ZNF385D: variants seen among roughly 807,000 people sequenced by gnomAD.
ZNF385D encodes the protein zinc finger protein 385D.
In ZNF385D, 15 loss-of-function variants were observed where a neutral mutation model predicts 35.8. The observed-to-expected ratio is 0.42, with a 90% CI of 0.28 to 0.64. The LOEUF is 0.64. Ranked by LOEUF, ZNF385D falls within the 30% of genes least tolerant of loss-of-function variation. The pLI, the probability that ZNF385D is intolerant of heterozygous loss-of-function variation, is 0.23. For synonymous variants in ZNF385D, 212 were observed against 186.8 expected (o/e 1.13, Z -1.10); for missense variants, 474 against 494.6 (o/e 0.96, Z 0.39).
intron 1 of ZNF385D, among the ~76,000 whole-genome samples, chr3:21,730,089 C>A (rs370358133): frequency 6.6e-6 from 1 of 152,182 alleles, no homozygotes; most frequent in African/African-American, 2.4e-5. Context: ...CATTTAAGAA[C>A]AACCTCCCGA....
At chr3:22,050,874 A>ACAG (rs1488069043) in intron 3 of ZNF385D, among the ~76,000 whole-genome samples, 1 of 96,422 alleles carries the variant, frequency 1.0e-5, no homozygotes, top group Non-Finnish European at 2.2e-5. Context: ...AATGTGTTAT[A>ACAG]ATTTCTGTTC....
intron 3 of ZNF385D, among the ~76,000 whole-genome samples, chr3:21,798,024 T>C (rs1045934188): frequency 1.1e-4 from 17 of 152,346 alleles, no homozygotes; most frequent in African/African-American, 2.9e-4. Flanking sequence ...GTGTAAACTA[T>C]GGACACTGGC....
chr3:21,578,805 T>C (rs750333515), intron 2 of ZNF385D, among the ~76,000 whole-genome samples: 4 of 152,192 alleles, frequency 2.6e-5, no homozygotes, highest in Non-Finnish European at 4.4e-5. Context: ...TGCATTGCTT[T>C]GGCTATTTGG....
At chr3:21,629,545 C>G (rs1202839247) in intron 2 of ZNF385D, among the ~76,000 whole-genome samples, 4 of 152,146 alleles carry the variant, frequency 2.6e-5, no homozygotes, top group Non-Finnish European at 5.9e-5. Context: ...TCCATGACAG[C>G]TTAATCAGGC....
chr3:21,625,898 C>T (rs1262523835), intron 2 of ZNF385D, among the ~76,000 whole-genome samples: 1 of 152,028 alleles, frequency 6.6e-6, no homozygotes, highest in Non-Finnish European at 1.5e-5. Flanking sequence ...TTGAAATTAT[C>T]ATTCAAATTA....
In ZNF385D at chr3:21,719,373, G is replaced by A. The variant is rs182721965; in HGVS notation, c.22+31522C>T. 2.5e-4 allele frequency among the ~76,000 whole-genome samples: 38 copies of A among 152,292 alleles called. 1 individual carries two copies. Among genetic ancestry groups the A allele is most frequent in the Admixed American group, 2.2e-3 (33 of 15,304 alleles). On this transcript the variant is annotated intron_variant, in intron 1 of 7. Transcript: ENST00000281523. Reference sequence around the variant, plus strand: ...AGTCAAGGAACTGACCGTGTTCTCTGGATGCAGCAACCCTGGTGACTGTAG... The same window carrying A: ...AGTCAAGGAACTGACCGTGTTCTCTAGATGCAGCAACCCTGGTGACTGTAG...
At position 22,082,827 on chromosome 3, in the gene ZNF385D, A is replaced by C. The variant is rs143785660; in HGVS notation, c.325+85990T>G. Among the ~76,000 whole-genome samples, 983 of 152,268 alleles carry C rather than the reference A, an allele frequency of 6.5e-3. 12 individuals carry two copies. The highest frequency in any genetic ancestry group is 0.022 in the African/African-American group (924 of 41,554). ...GGGCCGACTGACACCTCATACAGCA[A>C]GATGCCCCTCTGAGACGAAGCTTCC... On this transcript the variant is annotated intron_variant, in intron 3 of 5. Coordinates refer to the ZNF385D transcript ENST00000494108.
intron 2 of ZNF385D, among the ~76,000 whole-genome samples, chr3:22,362,175 T>C (rs1559541762): frequency 1.3e-5 from 2 of 151,860 alleles, no homozygotes; most frequent in South Asian, 2.1e-4. Flanking sequence ...CCTGGCTTTT[T>C]TTGTAGTGGT....
intron 2 of ZNF385D, among the ~76,000 whole-genome samples, chr3:22,173,183 G>C (rs1250677929): frequency 6.6e-6 from 1 of 152,164 alleles, no homozygotes. Context: ...GGGGAAGTCT[G>C]AGAAATTGTT....
chr3:22,232,884 T>C (rs983145319), intron 2 of ZNF385D, among the ~76,000 whole-genome samples: 9 of 152,236 alleles, frequency 5.9e-5, no homozygotes, highest in African/African-American at 4.8e-5. Flanking sequence ...GTTTACATCC[T>C]GAAGATTTCA....
At chr3:22,139,208 G>T (rs959601900) in intron 3 of ZNF385D, among the ~76,000 whole-genome samples, 2 of 152,108 alleles carry the variant, frequency 1.3e-5, no homozygotes, top group Non-Finnish European at 2.9e-5. Flanking sequence ...TCGGTGTGGC[G>T]ATTCCTCAGG....
At position 21,556,062 on chromosome 3, in the gene ZNF385D, G is replaced by GT. The variant is rs1362972751; in HGVS notation, c.276+8511dup. ...TTGCCCACTTTTTGACGTTTTTTTTGTTTTTGTTTTTTTTTTTTTTTTTTT... is the reference window on the plus strand; with the variant it reads ...TTGCCCACTTTTTGACGTTTTTTTTGTTTTTTGTTTTTTTTTTTTTTTTTTT... On this transcript the variant is annotated intron_variant, in intron 3 of 7. Coordinates refer to ENST00000281523, the MANE Select transcript of ZNF385D (RefSeq NM_024697.3). 1.4e-3 allele frequency among the ~76,000 whole-genome samples: 131 copies of GT among 93,070 alleles called. 1 individual carries two copies. The highest frequency in any genetic ancestry group is 7.1e-3 in the East Asian group (24 of 3,404). 61.1% of individuals were successfully genotyped at this position (93,070 alleles called of 152,430 possible).
At chr3:22,184,467 G>C (rs1311272749) in intron 2 of ZNF385D, among the ~76,000 whole-genome samples, 3 of 152,094 alleles carry the variant, frequency 2.0e-5, no homozygotes, top group Admixed American at 6.6e-5. Context: ...TAAAACTTTT[G>C]CATTTGATGA....
intron 3 of ZNF385D, among the ~76,000 whole-genome samples, chr3:21,760,150 A>C (rs1458556010): frequency 6.6e-6 from 1 of 152,114 alleles, no homozygotes; most frequent in African/African-American, 2.4e-5. Context: ...AATAATCCTA[A>C]AGGCTCATCT....
intron 1 of ZNF385D, among the ~76,000 whole-genome samples, chr3:21,694,330 C>T (rs944904094): frequency 2.7e-4 from 41 of 152,022 alleles, no homozygotes; most frequent in African/African-American, 9.9e-4. Context: ...CCACCGCGCC[C>T]AGCCTAGAAA....
intron 1 of ZNF385D, among the ~76,000 whole-genome samples, chr3:21,736,885 G>A (rs1460255416): frequency 6.6e-6 from 1 of 152,144 alleles, no homozygotes; most frequent in Non-Finnish European, 1.5e-5. Flanking sequence ...AATTTCCATA[G>A]GGCATTTTGG....
At chr3:21,832,232 A>G (rs1189042328) in intron 3 of ZNF385D, among the ~76,000 whole-genome samples, 2 of 152,168 alleles carry the variant, frequency 1.3e-5, no homozygotes, top group Non-Finnish European at 2.9e-5. Context: ...AAAAGATCCA[A>G]TAAAAATAAA....
chr3:22,056,865 A>C (rs1233838823), intron 3 of ZNF385D, among the ~76,000 whole-genome samples: 1 of 152,228 alleles, frequency 6.6e-6, no homozygotes, highest in Non-Finnish European at 1.5e-5. Flanking sequence ...TGTGGAGCCC[A>C]GGCTGAATGA....
intron 3 of ZNF385D, among the ~76,000 whole-genome samples, chr3:22,009,689 G>A (rs1420156228): frequency 6.6e-6 from 1 of 151,332 alleles, no homozygotes; most frequent in Non-Finnish European, 1.5e-5. Flanking sequence ...TGTCAAATAT[G>A]ACATTTAGAA....
Sources: allele counts gnomAD v4.1 joint callset (sites outside exome capture counted in the v4.1 genomes callset), GRCh38; gene constraint gnomAD v4.1.1; transcripts MANE v1.5; gene names NCBI Gene and HGNC (gene_info 2026-07-23, HGNC 2026-07-21).